Variants in ADCY7 observed in about 807,000 individuals in gnomAD.
ADCY7 encodes adenylate cyclase 7.
ADCY7 carries 72 observed loss-of-function variants against 120.6 expected under a neutral mutation model. That is an observed-to-expected ratio of 0.60 (90% CI 0.49 to 0.73). The LOEUF (loss-of-function observed/expected upper bound fraction) is 0.73, where lower values mean the gene tolerates loss of function less well. Among genes scored for constraint, ADCY7 ranks in the 30% least tolerant of loss-of-function variants. The probability of loss-of-function intolerance (pLI) is 0.00; values close to 1 mark genes in which losing one functional copy is unlikely to be tolerated. For synonymous variants in ADCY7, 661 were observed against 628.0 expected, an observed-to-expected ratio of 1.05 and a Z score of -0.78; for missense variants, 1,227 against 1,486.0, an observed-to-expected ratio of 0.83 and a Z score of 2.87.
Position 50,314,037 on chromosome 16 carries a change from G to A in ADCY7, c.2831G>A (p.Ser944Asn), listed in dbSNP as rs1371401240. The A allele has an allele frequency of 6.2e-7, 1 of 1,614,152 alleles. No homozygotes were observed. Among genetic ancestry groups the A allele is most frequent in the Non-Finnish European group, 8.5e-7 (1 of 1,179,984 alleles). ...GSTYMAAAGL[S>N]VASGHENQEL... ...ACGTACATGGCAGCTGCAGGGCTCA[G>A]CGTCGCCTCAGGGCACGAGAACCAG... is the stretch of plus-strand genomic sequence containing the variant. The change falls in exon 23 of 26, where the codon AGC (serine) becomes AAC (asparagine). Residue 944 changes from serine (S) to asparagine (N), a missense_variant. By Grantham distance (46) the Ser-to-Asn change is conservative. This residue lies in a region of ADCY7 where 244 missense variants were observed against 332.8 expected (regional missense o/e 0.73). Coordinates refer to ENST00000673801, the MANE Select transcript of ADCY7 (RefSeq NM_001114.5).
chr16:50,272,668 T>G (rs919986258), intron 1 of ADCY7, among the ~76,000 whole-genome samples: 8 of 152,164 alleles, frequency 5.3e-5, no homozygotes, highest in African/African-American at 1.7e-4. Context: ...TGGGCTTGTC[T>G]TGGTCCTGCT....
Position 50,312,926 on chromosome 16 carries a change from A to G in ADCY7, c.2641A>G (p.Met881Val). Residue 881 changes from methionine to valine, a missense_variant, in exon 22 of 26, where the codon ATG (methionine) becomes GTG (valine). Coordinates refer to ENST00000673801, the MANE Select transcript of ADCY7 (RefSeq NM_001114.5). ...TCAGTCCTATGACTGCGTCTGTGTC[A>G]TGTTTGCCTCCGTGCCGGACTTCAA... ...YHQSYDCVCV[M>V]FASVPDFKVF... The G allele has an allele frequency of 6.2e-7, 1 of 1,614,126 alleles. No homozygotes were observed.
chr16:50,245,560 G>C (rs1346259844), upstream of ADCY7, among the ~76,000 whole-genome samples: 1 of 152,102 alleles, frequency 6.6e-6, no homozygotes, highest in South Asian at 2.1e-4. Context: ...GGATCACAAC[G>C]AGGTTACAAC....
chr16:50,245,930 C>T (rs1596777462), upstream of ADCY7, among the ~76,000 whole-genome samples: 1 of 139,544 alleles, frequency 7.2e-6, no homozygotes, highest in South Asian at 2.2e-4. Context: ...CGCGGCAGCG[C>T]CTTTCCCACG....
chr16:50,267,738 A>G (rs1248932011), intron 1 of ADCY7, among the ~76,000 whole-genome samples: 1 of 152,184 alleles, frequency 6.6e-6, no homozygotes, highest in Non-Finnish European at 1.5e-5. Flanking sequence ...TGTAAATAGG[A>G]CATTGCCATT....
At chr16:50,308,447 C>A (rs1439104117) in intron 16 of ADCY7, 36 bp downstream of exon 16, 6 of 1,612,822 alleles carry the variant, frequency 3.7e-6, no homozygotes, top group Non-Finnish European at 5.1e-6. Context: ...GGCCCTCCCT[C>A]CCTGCCTCAG....
At chr16:50,289,886 C>T (rs977682104) in intron 2 of ADCY7, among the ~76,000 whole-genome samples, 31 of 152,264 alleles carry the variant, frequency 2.0e-4, no homozygotes, top group Non-Finnish European at 1.5e-4. Flanking sequence ...CAGCCTGGAT[C>T]CATGTGGCTA....
chr16:50,313,697 G>T, intron 22 of ADCY7: 1 of 439,558 alleles, frequency 2.3e-6, no homozygotes. Flanking sequence ...TGTAGATAAT[G>T]CTGTGTTTGC....
chr16:50,250,105 T>C (rs898302048), intron 1 of ADCY7, among the ~76,000 whole-genome samples: 3 of 152,112 alleles, frequency 2.0e-5, no homozygotes, highest in Non-Finnish European at 2.9e-5. Context: ...TAAGAGTGCT[T>C]ATCTCAAAGG....
chr16:50,266,940 A>G (rs2033253106), intron 1 of ADCY7, among the ~76,000 whole-genome samples: 1 of 152,124 alleles, frequency 6.6e-6, no homozygotes, highest in African/African-American at 2.4e-5. Context: ...TTGTGACCAC[A>G]ATGTTGTACA....
chr16:50,288,253 A>G lies in ADCY7; in HGVS notation c.74A>G (p.Tyr25Cys). ...GACCAAGATGCGCTCTACGAGAAGT[A>G]CCAGCTCACCAGCCAGCATGGGCCG... The part of the protein sequence containing the change: ...GPDQDALYEK[Y>C]QLTSQHGPLL... The change falls in exon 2 of 26, where the codon TAC becomes TGC. Residue 25 changes from tyrosine (Y) to cysteine (C), a missense_variant. Tyr to Cys is a radical substitution (Grantham distance 194). Coordinates refer to ENST00000673801, the MANE Select transcript of ADCY7 (RefSeq NM_001114.5). 1 of 1,551,306 alleles carries G rather than the reference A, an allele frequency of 6.4e-7. No homozygotes were observed. Among genetic ancestry groups the G allele is most frequent in the East Asian group, 2.4e-5 (1 of 41,058 alleles).
intron 22 of ADCY7, 139 bp from the exon 23 acceptor site, chr16:50,313,819 G>C: frequency 1.5e-6 from 1 of 669,092 alleles, no homozygotes; most frequent in East Asian, 2.7e-5. Flanking sequence ...CATGCGCTCA[G>C]CTGGCAGGGC....
intron 1 of ADCY7, among the ~76,000 whole-genome samples, chr16:50,268,975 T>G (rs12934796): frequency 0.47 from 70,859 of 152,102 alleles, 18,103 homozygotes; most frequent in East Asian, 0.68. Context: ...AGTTGGAGGC[T>G]GTAGTGAGCC....
chr16:50,294,640 C>T lies in ADCY7; in HGVS notation c.837C>T (p.Ser279=). 1 of 1,599,116 alleles carries T rather than the reference C, an allele frequency of 6.3e-7. No homozygotes were observed. Among genetic ancestry groups the T allele is most frequent in the Non-Finnish European group, 8.6e-7 (1 of 1,169,504 alleles). The change falls in exon 7 of 26, where the codon AGC becomes AGT. Residue 279 remains serine (S), a splice_region_variant and synonymous_variant. Coordinates refer to ENST00000673801, the MANE Select transcript of ADCY7 (RefSeq NM_001114.5). ...CCCTCCCACCCTGCCCCATCCCCAG[C>T]ATCCTCTATGCGGACATCGTGGGCT... is the stretch of plus-strand genomic sequence containing the variant. ...SLYVKRHQNV[S]ILYADIVGFT...
chr16:50,277,457 A>C (rs2033967199), intron 1 of ADCY7, among the ~76,000 whole-genome samples: 1 of 152,186 alleles, frequency 6.6e-6, no homozygotes, highest in Non-Finnish European at 1.5e-5. Flanking sequence ...TCCAACACAG[A>C]CTTATGAGAC....
chr16:50,278,935 A>ATTCCC (rs2034081769), intron 1 of ADCY7, among the ~76,000 whole-genome samples: 6 of 148,560 alleles, frequency 4.0e-5, no homozygotes, highest in African/African-American at 1.5e-4. Flanking sequence ...ACAGTGGTGC[A>ATTCCC]ATCCCATCTC....
intron 1 of ADCY7, among the ~76,000 whole-genome samples, chr16:50,252,434 ACTGGGTAGGCATTGTTTGTGTGC>A (rs1287568434): frequency 0.012 from 1,745 of 151,338 alleles, 21 homozygotes; most frequent in African/African-American, 0.031. Flanking sequence ...GGAGGCAGCC[ACTGGGTAGGCATTGTTTGTGTGC>A]CTGGGCAGGC....
rs2036785536 is a variant in ADCY7 at position 50,316,077 on chromosome 16, C to A, written c.*572C>A. 1 of 152,828 alleles carries A rather than the reference C, an allele frequency of 6.5e-6. No homozygotes were observed. The highest frequency in any genetic ancestry group is 6.5e-5 in the Admixed American group (1 of 15,316). 9.5% of individuals were successfully genotyped at this position (152,828 alleles called of 1,614,324 possible). A position where few individuals can be genotyped will look rare whatever the true frequency, so the allele number is the denominator to read the frequency against. On this transcript the variant is annotated 3_prime_UTR_variant, in exon 26 of 26. Transcript: ENST00000673801. ...AAAAACACCACAATTAACACTGTTACTTTTTGCCTTGTCTGGCATGTTTGT... is the reference window on the plus strand; with the variant it reads ...AAAAACACCACAATTAACACTGTTAATTTTTGCCTTGTCTGGCATGTTTGT...
intron 1 of ADCY7, among the ~76,000 whole-genome samples, chr16:50,250,008 C>T (rs915665527): frequency 9.9e-5 from 15 of 152,246 alleles, no homozygotes; most frequent in African/African-American, 3.6e-4. Flanking sequence ...GCTTGAGTCC[C>T]AGCTCAATGT....
Sources: allele counts gnomAD v4.1 joint callset (sites outside exome capture counted in the v4.1 genomes callset), GRCh38; gene constraint gnomAD v4.1.1; regional missense constraint gnomAD v4.1.1; transcripts MANE v1.5; gene names NCBI Gene and HGNC (gene_info 2026-07-23, HGNC 2026-07-21).